The following SLC34A1 variants were observed in gnomAD, a reference collection of about 807,000 sequenced individuals.
The protein encoded by SLC34A1 is sodium-dependent phosphate transport protein 2A.
SLC34A1 carries 57 observed loss-of-function variants against 51.4 expected under a neutral mutation model. The ratio of observed to expected loss-of-function variants is 1.11; its 90% CI spans 0.90 to 1.38. SLC34A1 has a LOEUF of 1.38. Among genes scored for constraint, SLC34A1 ranks in the 40% most tolerant of loss-of-function variants. The pLI is 0.00. For missense variants in SLC34A1, 796 were observed against 835.6 expected (o/e 0.95, Z 0.58); for synonymous variants, 368 against 358.0 (o/e 1.03, Z -0.32).
At chr5:177,389,158 A>G (rs1457161713) in intron 8 of SLC34A1, among the ~76,000 whole-genome samples, 1 of 152,190 alleles carries the variant, frequency 6.6e-6, no homozygotes, top group Non-Finnish European at 1.5e-5. Context: ...TGGACCACCC[A>G]TTATGCCAGG....
rs1398452856 is a variant in SLC34A1 at position 177,396,450 on chromosome 5, C to T, written c.1175-283C>T. Reference sequence around the variant, plus strand: ...CGGAGATCCGCTCTCCCAGTGCCCCCGCGGAGGTCCGCTCTCCCAGTGCCC... The same window carrying T: ...CGGAGATCCGCTCTCCCAGTGCCCCTGCGGAGGTCCGCTCTCCCAGTGCCC... On this transcript the variant is annotated intron_variant, in intron 10 of 12. Coordinates refer to ENST00000324417, the MANE Select transcript of SLC34A1 (RefSeq NM_003052.5). This position sits in a 1 kb window ranked among gnomAD's most constrained non-coding sequence, Gnocchi z 4.0. 2.7e-5 allele frequency among the ~76,000 whole-genome samples: 4 copies of T among 150,068 alleles called. No individual in the cohort carries two copies. Among genetic ancestry groups the T allele is most frequent in the African/African-American group, 7.3e-5 (3 of 41,146 alleles).
rs993633760 is a variant in SLC34A1 at position 177,394,818 on chromosome 5, C to T, written c.1174+623C>T. On this transcript the variant is annotated intron_variant, in intron 10 of 12. Transcript: ENST00000324417. ...AAGTGATTCTCCTGCCTCAGCCTCTCGAGTAGCTAGGATTACAGGTGCCGG... is the reference window on the plus strand; with the variant it reads ...AAGTGATTCTCCTGCCTCAGCCTCTTGAGTAGCTAGGATTACAGGTGCCGG... Among the ~76,000 whole-genome samples, 4 of 150,956 alleles carry T rather than the reference C, an allele frequency of 2.6e-5. No individual in the cohort carries two copies. In the East Asian group the frequency reaches 7.8e-4, roughly 29 times the overall value.
chr5:177,391,485 C>G (rs1418621270), intron 8 of SLC34A1, among the ~76,000 whole-genome samples: 1 of 152,232 alleles, frequency 6.6e-6, no homozygotes, highest in Non-Finnish European at 1.5e-5. Flanking sequence ...ACCACTGGGC[C>G]CAGCCCAGGT....
chr5:177,394,688 CTTTTTTTTTTTT>C (rs34736156), intron 10 of SLC34A1, among the ~76,000 whole-genome samples: 2 of 105,092 alleles, frequency 1.9e-5, no homozygotes, highest in Middle Eastern at 5.5e-3. Flanking sequence ...GAGACTTTGT[CTTTTTTTTTTTT>C]TTTTTTTTTT....
At position 177,398,134 on chromosome 5, in the gene SLC34A1, G is replaced by GACC. The variant is rs928886890; in HGVS notation, c.1772_1774dup (p.His591dup). On this transcript the variant is annotated inframe_insertion, in exon 13 of 13. Transcript: ENST00000324417. This position sits in a 1 kb window ranked among gnomAD's most constrained non-coding sequence, Gnocchi z 4.7. ...CTGGATGCACTCCCTGAAGCCCCTG[G>GACC]ACCACCTCATCACCCGCGCCACCCT... The GACC allele has an allele frequency of 2.5e-6, 4 of 1,611,406 alleles. No homozygotes were observed. Among genetic ancestry groups the GACC allele is most frequent in the Non-Finnish European group, 3.4e-6 (4 of 1,178,150 alleles).
chr5:177,385,850 G>C lies in SLC34A1; in HGVS notation c.109G>C (p.Val37Leu). The C allele has an allele frequency of 6.2e-7, 1 of 1,613,452 alleles. No individual in the cohort carries two copies. ...CTTTGCCTACGTGCCCAGCCCTCAG[G>C]GTAAGTGCTGCTCCCACACCCTGGA... ...TAFAYVPSPQ[V>L]LHRIPGTSAY... The change falls in exon 2 of 13, where the codon GTC (valine) becomes CTC (leucine). Residue 37 changes from valine to leucine, a missense_variant and splice_region_variant. By Grantham distance (32) the Val-to-Leu change is conservative. Transcript: ENST00000324417.
chr5:177,394,058 C>T lies in SLC34A1; in HGVS notation c.1037C>T (p.Pro346Leu), dbSNP rs752639143. 14 of 1,614,056 alleles carry T rather than the reference C, an allele frequency of 8.7e-6. No individual in the cohort carries two copies. Among genetic ancestry groups the T allele is most frequent in the South Asian group, 5.5e-5 (5 of 91,084 alleles). The stretch of plus-strand genomic sequence containing the variant: ...CACATCTTTGTGGACACTGGCCTAC[C>T]GGACCTGGCTGTGGGGCTCATCCTG... Reference protein sequence around the residue: ...CNHIFVDTGLPDLAVGLILLA... With the variant: ...CNHIFVDTGLLDLAVGLILLA... The change falls in exon 10 of 13, where the codon CCG becomes CTG. Residue 346 changes from proline to leucine, a missense_variant. Physicochemically the swap from Pro to Leu is moderately conservative, Grantham distance 98 (BLOSUM62 -3). Coordinates refer to ENST00000324417, the MANE Select transcript of SLC34A1 (RefSeq NM_003052.5).
In SLC34A1 at chr5:177,396,845, C is replaced by T; in HGVS notation, c.1287C>T (p.Leu429=). The T allele has an allele frequency of 1.2e-6, 2 of 1,614,222 alleles. No homozygotes were observed. Among genetic ancestry groups the T allele is most frequent in the Admixed American group, 3.3e-5 (2 of 60,032 alleles). Residue 429 remains leucine (L), a synonymous_variant, in exon 11 of 13, where the codon CTC becomes CTT. Coordinates refer to ENST00000324417, the MANE Select transcript of SLC34A1 (RefSeq NM_003052.5). The surrounding 1 kb of genome is among the most constrained non-coding windows in gnomAD (Gnocchi z 4.0). ...TGTTCACCTCGGCCATCACCCCACTCATCGGTGAGTGCCCATGTAGAGGTG... is the reference window on the plus strand; with the variant it reads ...TGTTCACCTCGGCCATCACCCCACTTATCGGTGAGTGCCCATGTAGAGGTG... ...SSVFTSAITP[L]IGLGVISIER...
chr5:177,385,872 T>G (rs1253654257), intron 2 of SLC34A1, 22 bp downstream of exon 2: 1 of 1,612,340 alleles, frequency 6.2e-7, no homozygotes, highest in South Asian at 1.1e-5. Flanking sequence ...TCCCACACCC[T>G]GGACCCTGGT....
In SLC34A1 at chr5:177,386,771, TTGTC is replaced by T. The variant is rs757336337; in HGVS notation, c.532+208_532+211del. Among the ~76,000 whole-genome samples the T allele has an allele frequency of 1.3e-5, 2 of 151,946 alleles. No individual in the cohort carries two copies. Among genetic ancestry groups the T allele is most frequent in the Non-Finnish European group, 2.9e-5 (2 of 67,996 alleles). On this transcript the variant is annotated intron_variant, in intron 5 of 12. Coordinates refer to ENST00000324417, the MANE Select transcript of SLC34A1 (RefSeq NM_003052.5). This position sits in a 1 kb window ranked among gnomAD's most constrained non-coding sequence, Gnocchi z 4.8. ...AGGAACTGGCTTCCCCGATGGTAGT[TTGTC>T]TGGGCAAGTCAGGAATCCGTAGGCC...
chr5:177,396,812 C>A lies in SLC34A1; in HGVS notation c.1254C>A (p.Ser418Arg), dbSNP rs750850894. The change falls in exon 11 of 13, where the codon AGC becomes AGA. Residue 418 changes from serine (S) to arginine (R), a missense_variant. By Grantham distance (110) the Ser-to-Arg change is moderately radical (BLOSUM62 -1). Transcript: ENST00000324417. This position sits in a 1 kb window ranked among gnomAD's most constrained non-coding sequence, Gnocchi z 4.0. ...VGASMTFVVQ[S>R]SSVFTSAITP... ...CCAGCATGACCTTCGTGGTCCAGAG[C>A]AGTTCTGTGTTCACCTCGGCCATCA... 4 of 1,614,122 alleles carry A rather than the reference C, an allele frequency of 2.5e-6. No individual in the cohort carries two copies. Among genetic ancestry groups the A allele is most frequent in the Non-Finnish European group, 2.5e-6 (3 of 1,180,050 alleles).
intron 12 of SLC34A1, 127 bp from the exon 13 acceptor site, chr5:177,397,656 T>C (rs991509941): frequency 2.4e-6 from 3 of 1,269,828 alleles, no homozygotes; most frequent in Non-Finnish European, 3.4e-6. Flanking sequence ...AGGGGGCACA[T>C]CACCCCTAAG....
At chr5:177,394,342 CACTGAGGT>C in intron 10 of SLC34A1, 147 bp downstream of exon 10, 1 of 890,826 alleles carries the variant, frequency 1.1e-6, no homozygotes, top group Non-Finnish European at 1.7e-6. Context: ...TTTCTGAGGC[CACTGAGGT>C]ACTGACAGCT....
chr5:177,397,466 C>A, intron 12 of SLC34A1: 2 of 520,786 alleles, frequency 3.8e-6, no homozygotes, highest in Non-Finnish European at 7.0e-6. Context: ...GAATGAGGGT[C>A]CAGAAACTGA....
chr5:177,396,888 G>T lies in SLC34A1; in HGVS notation c.1291+39G>T, dbSNP rs368749467. The T allele has an allele frequency of 1.2e-5, 19 of 1,614,058 alleles. No homozygotes were observed. In the African/African-American group the frequency reaches 2.5e-4, roughly 22 times the overall value. ...TAGAGGTGGAGTGGGGTGGGCCAGG[G>T]CTGGCAGGGAAAGGGCCGAAGGAGA... On this transcript the variant is annotated intron_variant, in intron 11 of 12. Transcript: ENST00000324417. This position sits in a 1 kb window ranked among gnomAD's most constrained non-coding sequence, Gnocchi z 4.0.
intron 12 of SLC34A1, 39 bp from the exon 13 acceptor site, chr5:177,397,744 C>G: frequency 6.2e-7 from 1 of 1,601,340 alleles, no homozygotes. Context: ...GACCTGGGAG[C>G]CAGTGCCCAT....
At chr5:177,385,440 C>T (rs1038295370) in intron 1 of SLC34A1, among the ~76,000 whole-genome samples, 2 of 152,036 alleles carry the variant, frequency 1.3e-5, no homozygotes, top group Non-Finnish European at 2.9e-5. Context: ...CCCTCCGAGA[C>T]TCACATGCAG....
At chr5:177,387,473 T>C (rs1264014253) in intron 5 of SLC34A1, among the ~76,000 whole-genome samples, 1 of 152,186 alleles carries the variant, frequency 6.6e-6, no homozygotes, top group African/African-American at 2.4e-5. Flanking sequence ...TATTTGCACA[T>C]AGGACATGAG....
In SLC34A1 at chr5:177,386,018, T is replaced by C. The variant is rs372453137; in HGVS notation, c.141T>C (p.Tyr47=). The C allele has an allele frequency of 2.9e-5, 47 of 1,609,936 alleles. No individual in the cohort carries two copies. Among genetic ancestry groups the C allele is most frequent in the Non-Finnish European group, 3.7e-5 (43 of 1,177,768 alleles). ...VLHRIPGTSA[Y]AFPSLGPVAL... is the part of the protein sequence containing the mutation. ...ACAGGATCCCGGGGACCTCTGCCTA[T>C]GCCTTCCCCAGCCTGGGCCCTGTGG... The change falls in exon 3 of 13, where the codon TAT becomes TAC. Residue 47 remains tyrosine, a synonymous_variant. Coordinates refer to ENST00000324417, the MANE Select transcript of SLC34A1 (RefSeq NM_003052.5). This position sits in a 1 kb window ranked among gnomAD's most constrained non-coding sequence, Gnocchi z 4.8.
Sources: gnomAD v4.1 joint callset for allele counts (sites outside exome capture counted in the v4.1 genomes callset) on GRCh38, gnomAD v4.1.1 for gene constraint, Gnocchi (gnomAD v3.1) non-coding constraint, MANE v1.5 for transcripts, NCBI Gene and HGNC (gene_info 2026-07-23, HGNC 2026-07-21) for gene names.